Variants in FNDC3A observed in about 807,000 individuals in gnomAD.
The protein encoded by FNDC3A is fibronectin type III domain containing 3A.
A neutral mutation model predicts 148.9 loss-of-function variants in FNDC3A; 32 were observed. The observed-to-expected ratio is 0.21, with a 90% CI of 0.16 to 0.29. The LOEUF is 0.29. FNDC3A is among the 10% of genes least tolerant of loss of function. The pLI, the probability that FNDC3A is intolerant of heterozygous loss-of-function variation, is 1.00. For missense variants in FNDC3A, 1,191 were observed against 1,452.8 expected, an observed-to-expected ratio of 0.82 and a Z score of 2.93; for synonymous variants, 472 against 473.6, an observed-to-expected ratio of 1.00 and a Z score of 0.04.
In FNDC3A at chr13:49,006,403, C is replaced by G. The variant is rs1952221892; in HGVS notation, c.99+114C>G. On this transcript the variant is annotated intron_variant, in intron 2 of 25. Transcript: ENST00000492622. ...TAATTCGTGTTTTAAATTCCCAATT[C>G]AAAATGTTGTTCAGTTTTATAAGAT... The G allele has an allele frequency of 6.0e-6, 3 of 499,088 alleles. No individual in the cohort carries two copies. In the Admixed American group the frequency reaches 1.1e-4, roughly 19 times the overall value. The allele number at this position is 499,088 out of a possible 1,614,324, so 30.9% of individuals were successfully genotyped here.
chr13:49,067,312 C>T (rs1566228392), intron 2 of FNDC3A, among the ~76,000 whole-genome samples: 1 of 152,178 alleles, frequency 6.6e-6, no homozygotes, highest in Non-Finnish European at 1.5e-5. Flanking sequence ...AGAGCAGTGT[C>T]TTTCGCATTT....
rs189226390 is a variant in FNDC3A, at chr13:49,076,913, C to A, written c.175+1549C>A. Among the ~76,000 whole-genome samples, 438 of 152,304 alleles carry A rather than the reference C, an allele frequency of 2.9e-3. 3 individuals are homozygous for A. The highest frequency in any genetic ancestry group is 0.019 in the South Asian group (91 of 4,830). On this transcript the variant is annotated intron_variant, in intron 3 of 25. Coordinates refer to ENST00000492622, the MANE Select transcript of FNDC3A (RefSeq NM_001079673.2). Reference sequence around the variant, plus strand: ...CTTTGGGGACACATACCATTTCTTACATTTCTTTGTATCCCCTTCAATTCT... The same window carrying A: ...CTTTGGGGACACATACCATTTCTTAAATTTCTTTGTATCCCCTTCAATTCT...
chr13:49,095,586 G>A (rs573307539), intron 3 of FNDC3A: 1 of 152,060 alleles, frequency 6.6e-6, no homozygotes, highest in East Asian at 1.9e-4. Flanking sequence ...GTCTAGAAAG[G>A]TCACCTTCCT....
At chr13:49,160,616 CCCTTCA>C (rs1479464658) in intron 8 of FNDC3A, among the ~76,000 whole-genome samples, 1 of 150,850 alleles carries the variant, frequency 6.6e-6, no homozygotes, top group Non-Finnish European at 1.5e-5. Context: ...TGTCTCTATC[CCCTTCA>C]GTTCTGCTCT....
intron 3 of FNDC3A, among the ~76,000 whole-genome samples, chr13:49,086,205 G>A (rs1048434436): frequency 5.3e-5 from 8 of 152,196 alleles, no homozygotes; most frequent in African/African-American, 1.4e-4. Context: ...TTTGTAGGTG[G>A]TAATGCATCT....
intron 3 of FNDC3A, among the ~76,000 whole-genome samples, chr13:49,084,730 G>A (rs572000016): frequency 6.6e-6 from 1 of 152,226 alleles, no homozygotes; most frequent in South Asian, 2.1e-4. Context: ...TCACCTACTA[G>A]AGTTAGTATG....
At chr13:49,034,902 A>G (rs1335448106) in intron 2 of FNDC3A, among the ~76,000 whole-genome samples, 1 of 151,994 alleles carries the variant, frequency 6.6e-6, no homozygotes, top group Non-Finnish European at 1.5e-5. Flanking sequence ...ATAAAGTAAA[A>G]CACAACTTTA....
At chr13:49,099,571 CT>C (rs1879737192) in intron 3 of FNDC3A, among the ~76,000 whole-genome samples, 1 of 152,116 alleles carries the variant, frequency 6.6e-6, no homozygotes, top group African/African-American at 2.4e-5. Flanking sequence ...TAAAAAATAG[CT>C]TGAATGATTT....
intron 2 of FNDC3A, among the ~76,000 whole-genome samples, chr13:49,047,007 C>T (rs1306984107): frequency 6.6e-6 from 1 of 152,126 alleles, no homozygotes; most frequent in Non-Finnish European, 1.5e-5. Context: ...CACCTCCCCC[C>T]ATCCAGTCCC....
intron 4 of FNDC3A, among the ~76,000 whole-genome samples, chr13:49,126,697 G>T (rs1292764693): frequency 6.6e-6 from 1 of 152,096 alleles, no homozygotes; most frequent in Non-Finnish European, 1.5e-5. Flanking sequence ...CTACCTATAT[G>T]ACCCTGGGCA....
At chr13:49,184,708 A>C (rs1196006342) in intron 14 of FNDC3A, among the ~76,000 whole-genome samples, 2 of 152,078 alleles carry the variant, frequency 1.3e-5, no homozygotes, top group African/African-American at 4.8e-5. Flanking sequence ...TCACCTTGTG[A>C]CATTTGTGGT....
At chr13:49,192,336 C>G (rs1885928694) in intron 19 of FNDC3A, among the ~76,000 whole-genome samples, 1 of 152,040 alleles carries the variant, frequency 6.6e-6, no homozygotes, top group Non-Finnish European at 1.5e-5. Context: ...ACCCTGTCAC[C>G]CAGGGTGGAA....
intron 1 of FNDC3A, among the ~76,000 whole-genome samples, chr13:49,000,937 T>C (rs1952112542): frequency 6.6e-6 from 1 of 151,480 alleles, no homozygotes; most frequent in Non-Finnish European, 1.5e-5. Flanking sequence ...CTGAATTCAC[T>C]TATTAGTTCT....
chr13:48,988,948 A>G (rs149335676), intron 1 of FNDC3A, among the ~76,000 whole-genome samples: 2 of 152,310 alleles, frequency 1.3e-5, no homozygotes, highest in African/African-American at 4.8e-5. Flanking sequence ...AAACATATAC[A>G]TTTAAGGAAA....
At chr13:49,135,821 T>C (rs1882322834) in intron 5 of FNDC3A, among the ~76,000 whole-genome samples, 2 of 152,210 alleles carry the variant, frequency 1.3e-5, no homozygotes, top group Admixed American at 6.5e-5. Flanking sequence ...TATATGTAGA[T>C]TGTTATTGTT....
At chr13:49,193,053 T>C (rs1885966960) in intron 19 of FNDC3A, among the ~76,000 whole-genome samples, 2 of 152,210 alleles carry the variant, frequency 1.3e-5, no homozygotes, top group African/African-American at 2.4e-5. Context: ...TTAATCCCTA[T>C]AGGACTTGAG....
In FNDC3A at chr13:49,208,555, C is replaced by T. The variant is rs1187155668; in HGVS notation, c.*1160C>T. ...TGTTGATTGCATGTGGTTAATGTTG[C>T]ATTAGAGCACTTTGCAATTGCATAA... On this transcript the variant is annotated 3_prime_UTR_variant, in exon 26 of 26. Coordinates refer to ENST00000492622, the MANE Select transcript of FNDC3A (RefSeq NM_001079673.2). 6.6e-6 allele frequency: 1 copy of T among 152,622 alleles called. No homozygotes were observed. The highest frequency in any genetic ancestry group is 1.5e-5 in the Non-Finnish European group (1 of 68,034). 9.5% of individuals were successfully genotyped at this position (152,622 alleles called of 1,614,324 possible). A position where few individuals can be genotyped will look rare whatever the true frequency, so the allele number is the denominator to read the frequency against.
chr13:49,007,918 C>T (rs1264454346), intron 2 of FNDC3A, among the ~76,000 whole-genome samples: 2 of 151,906 alleles, frequency 1.3e-5, no homozygotes, highest in Non-Finnish European at 2.9e-5. Flanking sequence ...GAGCTAAACA[C>T]GAGTGGAAGA....
intron 8 of FNDC3A, among the ~76,000 whole-genome samples, chr13:49,160,507 CTT>C (rs1021061107): frequency 9.2e-5 from 14 of 151,954 alleles, no homozygotes; most frequent in African/African-American, 2.7e-4. Flanking sequence ...ATTCTTCTCT[CTT>C]TTCTTCTTTA....
Sources: allele counts gnomAD v4.1 joint callset (sites outside exome capture counted in the v4.1 genomes callset), GRCh38; gene constraint gnomAD v4.1.1; transcripts MANE v1.5; gene names NCBI Gene and HGNC (gene_info 2026-07-23, HGNC 2026-07-21).